MCMDC2: variants seen among roughly 807,000 people sequenced by gnomAD.
MCMDC2 encodes minichromosome maintenance domain containing 2.
In MCMDC2, 54 loss-of-function variants were observed where a neutral mutation model predicts 75.8. That is an observed-to-expected ratio of 0.71 (90% CI 0.57 to 0.89). MCMDC2 has a LOEUF of 0.89. Ranked by LOEUF, MCMDC2 falls within the 40% of genes least tolerant of loss-of-function variation. MCMDC2 has a pLI of 0.00. For synonymous variants in MCMDC2, 249 were observed against 274.6 expected (o/e 0.91, Z 0.92); for missense variants, 656 against 780.4 (o/e 0.84, Z 1.90).
chr8:66,874,226 A>G lies in MCMDC2; in HGVS notation c.86A>G (p.Tyr29Cys), dbSNP rs774972982. The G allele has an allele frequency of 3.1e-6, 5 of 1,612,386 alleles. No homozygotes were observed. The highest frequency in any genetic ancestry group is 4.2e-6 in the Non-Finnish European group (5 of 1,179,500). The stretch of plus-strand genomic sequence containing the variant: ...CAAAAGTTTATAGATGATTGCAAGT[A>G]CTACAATGGTACGTTCAGCAAAGGT... ...GLQKFIDDCKYYNDSKQSYAV... is the reference protein window; with the variant it reads ...GLQKFIDDCKCYNDSKQSYAV... Residue 29 changes from tyrosine (Y) to cysteine (C), a missense_variant, in exon 2 of 15, where the codon TAC becomes TGC. Tyr to Cys is a radical substitution (Grantham distance 194). Transcript: ENST00000422365.
rs1813510839 is a variant in MCMDC2 at position 66,921,107 on chromosome 8, A to AGAT, written c.*1940_*1942dup. ...TCAAAAAACCCAACCTCAGTCTCAA[A>AGAT]GATGGTTACTTCACCACAAAAAAAT... On this transcript the variant is annotated 3_prime_UTR_variant, in exon 15 of 15. Transcript: ENST00000422365. 1 of 152,150 alleles carries AGAT rather than the reference A, an allele frequency of 6.6e-6. No homozygotes were observed. Among genetic ancestry groups the AGAT allele is most frequent in the Non-Finnish European group, 1.5e-5 (1 of 68,032 alleles). 9.4% of individuals were successfully genotyped at this position (152,150 alleles called of 1,614,324 possible).
At chr8:66,907,745 G>A (rs1364657928) in intron 14 of MCMDC2, among the ~76,000 whole-genome samples, 3 of 152,076 alleles carry the variant, frequency 2.0e-5, no homozygotes, top group African/African-American at 4.8e-5. Flanking sequence ...GTTGTTTCCT[G>A]GCTTTTTAAT....
chr8:66,914,177 A>G (rs111916520), intron 14 of MCMDC2, among the ~76,000 whole-genome samples: 19,312 of 149,702 alleles, frequency 0.13, 2,370 homozygotes, highest in African/African-American at 0.32. Flanking sequence ...CAGCTACTCG[A>G]TAAGCTGAGG....
intron 9 of MCMDC2, among the ~76,000 whole-genome samples, chr8:66,884,891 C>T (rs1811760512): frequency 1.3e-5 from 2 of 152,238 alleles, no homozygotes; most frequent in South Asian, 4.2e-4. Flanking sequence ...ATCCTCCAGC[C>T]TCAGCCTCCT....
chr8:66,875,019 G>A (rs1425472355), intron 4 of MCMDC2, among the ~76,000 whole-genome samples: 1 of 152,136 alleles, frequency 6.6e-6, no homozygotes, highest in Non-Finnish European at 1.5e-5. Flanking sequence ...ACCCTGAAGT[G>A]CTGGGATTAC....
intron 9 of MCMDC2, among the ~76,000 whole-genome samples, chr8:66,887,673 T>A (rs1811909236): frequency 6.6e-6 from 1 of 152,224 alleles, no homozygotes; most frequent in Non-Finnish European, 1.5e-5. Context: ...AGATAAGTCT[T>A]GCTAGGCTGG....
At chr8:66,883,535 T>G (rs938925341) in intron 8 of MCMDC2, among the ~76,000 whole-genome samples, 4 of 152,022 alleles carry the variant, frequency 2.6e-5, no homozygotes, top group African/African-American at 9.7e-5. Flanking sequence ...GGCTCAGGCC[T>G]GTAATCATAG....
At chr8:66,887,666 T>G (rs1811909090) in intron 9 of MCMDC2, among the ~76,000 whole-genome samples, 1 of 152,190 alleles carries the variant, frequency 6.6e-6, no homozygotes, top group Non-Finnish European at 1.5e-5. Context: ...TATGTAGAGA[T>G]AAGTCTTGCT....
chr8:66,892,204 C>T (rs1563377866), intron 10 of MCMDC2, among the ~76,000 whole-genome samples: 1 of 152,180 alleles, frequency 6.6e-6, no homozygotes, highest in Admixed American at 6.5e-5. Context: ...AGCTCTGACT[C>T]AGGAAATCCT....
chr8:66,873,487 T>C (rs1161606932), intron 1 of MCMDC2, among the ~76,000 whole-genome samples: 1 of 152,222 alleles, frequency 6.6e-6, no homozygotes, highest in Non-Finnish European at 1.5e-5. Context: ...TCATCAGATA[T>C]TGTTTATTTC....
chr8:66,907,796 G>T (rs1405953799), intron 14 of MCMDC2, among the ~76,000 whole-genome samples: 1 of 152,060 alleles, frequency 6.6e-6, no homozygotes, highest in South Asian at 2.1e-4. Context: ...TCTCATTGTG[G>T]TTTTGATTTG....
At chr8:66,876,861 T>C (rs979370846) in intron 4 of MCMDC2, among the ~76,000 whole-genome samples, 7 of 152,070 alleles carry the variant, frequency 4.6e-5, no homozygotes, top group African/African-American at 1.7e-4. Context: ...CCCGTGTTCA[T>C]GCCATTCTCC....
intron 10 of MCMDC2, among the ~76,000 whole-genome samples, chr8:66,893,334 C>A (rs1055599144): frequency 6.6e-6 from 1 of 152,154 alleles, no homozygotes; most frequent in African/African-American, 2.4e-5. Flanking sequence ...CACACTGAGA[C>A]CCCATCTCTA....
chr8:66,905,193 C>T (rs1354108487), intron 13 of MCMDC2, 33 bp from the exon 14 acceptor site: 2 of 1,365,838 alleles, frequency 1.5e-6, no homozygotes, highest in Admixed American at 3.2e-5. Flanking sequence ...ATAATATCAA[C>T]ATATTTTCTT....
At position 66,896,319 on chromosome 8, in the gene MCMDC2, A is replaced by G; in HGVS notation, c.1429A>G (p.Thr477Ala). 1 of 1,607,034 alleles carries G rather than the reference A, an allele frequency of 6.2e-7. No homozygotes were observed. The highest frequency in any genetic ancestry group is 8.5e-7 in the Non-Finnish European group (1 of 1,178,646). ...AAGGAGAAATGCACAGAAAATCAAC[A>G]CTCTAATTGGTCAGATGGTAAGGTA... is the stretch of plus-strand genomic sequence containing the variant. ...SSRRNAQKIN[T>A]LIGQMDCSLI... Residue 477 changes from threonine (T) to alanine (A), a missense_variant, in exon 11 of 15, where the codon ACT becomes GCT. Thr to Ala is a moderately conservative substitution (Grantham distance 58, BLOSUM62 0). Coordinates refer to ENST00000422365, the MANE Select transcript of MCMDC2 (RefSeq NM_173518.5).
rs1452644761 is a variant in MCMDC2 at position 66,874,431 on chromosome 8, T to TA, written c.204dup (p.Ala69SerfsTer3). ...GGAAATCACATTTTACACCAACCTT[T>TA]AAAAGCTGCTGAAGTCTTTCAATCA... On this transcript the variant is annotated frameshift_variant, in exon 3 of 15. Coordinates refer to ENST00000422365, the MANE Select transcript of MCMDC2 (RefSeq NM_173518.5). LOFTEE classifies it high-confidence loss of function. 1.2e-6 allele frequency: 2 copies of TA among 1,613,696 alleles called. No individual in the cohort carries two copies. Among genetic ancestry groups the TA allele is most frequent in the African/African-American group, 2.7e-5 (2 of 74,928 alleles).
chr8:66,872,750 G>A (rs897085537), intron 1 of MCMDC2, among the ~76,000 whole-genome samples: 1 of 152,040 alleles, frequency 6.6e-6, no homozygotes, highest in Admixed American at 6.6e-5. Context: ...TTGAGGTCAG[G>A]AGTTCGAGAC....
chr8:66,923,930 C>T (rs2130884558), downstream of MCMDC2, among the ~76,000 whole-genome samples: 1 of 152,068 alleles, frequency 6.6e-6, no homozygotes, highest in Non-Finnish European at 1.5e-5. Context: ...CCACACCACC[C>T]CCCTCCCCCA....
intron 14 of MCMDC2, among the ~76,000 whole-genome samples, chr8:66,918,212 T>G (rs535499070): frequency 6.6e-6 from 1 of 152,346 alleles, no homozygotes; most frequent in East Asian, 1.9e-4. Context: ...AGAGAAACGA[T>G]ATTAGTTCTC....
Sources: gnomAD v4.1 joint callset for allele counts (sites outside exome capture counted in the v4.1 genomes callset) on GRCh38, gnomAD v4.1.1 for gene constraint, MANE v1.5 for transcripts, NCBI Gene and HGNC (gene_info 2026-07-23, HGNC 2026-07-21) for gene names.